Variants in SEC16A observed in about 807,000 individuals in gnomAD.
SEC16A encodes protein transport protein Sec16A.
In SEC16A, 110 loss-of-function variants were observed where a neutral mutation model predicts 221.9. That is an observed-to-expected ratio of 0.50 (90% CI 0.42 to 0.58). The LOEUF (loss-of-function observed/expected upper bound fraction) is 0.58. SEC16A is among the 20% of genes least tolerant of loss of function. The pLI is 0.00. For missense variants in SEC16A, 3,165 were observed against 3,097.8 expected (o/e 1.02, Z -0.52); for synonymous variants, 1,393 against 1,257.7 (o/e 1.11, Z -2.28).
At chr9:136,441,885 T>C (rs1274447083) in intron 31 of SEC16A, 62 bp from the exon 32 acceptor site, 9 of 1,442,346 alleles carry the variant, frequency 6.2e-6, no homozygotes, top group Non-Finnish European at 8.7e-6. Context: ...AGTGCTCGGC[T>C]GCAGCGTGGC....
chr9:136,444,225 C>T (rs1430499893), intron 30 of SEC16A: 2 of 207,410 alleles, frequency 9.6e-6, no homozygotes, highest in Non-Finnish European at 2.0e-5. Context: ...CCAGCCATGA[C>T]ACGAGGCCCA....
Position 136,463,448 on chromosome 9 carries a change from T to C in SEC16A, c.4647+15A>G. On this transcript the variant is annotated intron_variant, in intron 11 of 31. Coordinates refer to ENST00000684901, the MANE Select transcript of SEC16A (RefSeq NM_014866.2). ...CCAGCAAGAAGAAACACTCTAGAAG[T>C]AGAAAGAAACATACCCCATTTTGTC... The C allele has an allele frequency of 1.2e-6, 2 of 1,610,590 alleles. No homozygotes were observed. Among genetic ancestry groups the C allele is most frequent in the Non-Finnish European group, 8.5e-7 (1 of 1,177,900 alleles).
intron 14 of SEC16A, 37 bp downstream of exon 14, chr9:136,460,005 G>C: frequency 6.4e-7 from 1 of 1,561,328 alleles, no homozygotes; most frequent in South Asian, 1.2e-5. Flanking sequence ...CACACAGGCA[G>C]TGGAGCCTGT....
Position 136,477,086 on chromosome 9 carries a change from C to T in SEC16A, c.530G>A (p.Gly177Glu), listed in dbSNP as rs1420177426. The change falls in exon 3 of 32, where the codon GGG (glycine) becomes GAG (glutamate). Residue 177 changes from glycine to glutamate, a missense_variant. By Grantham distance (98) the Gly-to-Glu change is moderately conservative. Around this residue, in one of 3 missense-constraint regions of SEC16A, gnomAD observed 2,030 missense variants for 1,923.1 expected, o/e 1.06. Coordinates refer to ENST00000684901, the MANE Select transcript of SEC16A (RefSeq NM_014866.2). ...GGGTCGGTCGAGCCCAGGCATGTTC[C>T]CATGAGGGTGGCCCCCATGAGACGT... ...PETSHGGHPH[G>E]NMPGLDRPLS... 1 of 1,613,846 alleles carries T rather than the reference C, an allele frequency of 6.2e-7. No homozygotes were observed. Among genetic ancestry groups the T allele is most frequent in the South Asian group, 1.1e-5 (1 of 91,084 alleles).
chr9:136,442,809 T>C (rs1302766109), intron 31 of SEC16A, among the ~76,000 whole-genome samples: 1 of 152,184 alleles, frequency 6.6e-6, no homozygotes, highest in Non-Finnish European at 1.5e-5. Flanking sequence ...GGCCCAAGAA[T>C]TCTACCAGCC....
chr9:136,451,125 G>A (rs149386791), intron 23 of SEC16A, 131 bp downstream of exon 23: 65 of 927,208 alleles, frequency 7.0e-5, no homozygotes, highest in East Asian at 5.8e-4. Flanking sequence ...CGTGTGCACT[G>A]TAGACACTCG....
chr9:136,474,074 G>A lies in SEC16A; in HGVS notation c.3542C>T (p.Pro1181Leu). ...CTGGTAATAGAGGGAGGCTGCGCCA[G>A]GCTCCGGTGGGTACGGCAAAGAGTA... ...PQYSLPYPPE[P>L]GAASLYYQDV... Residue 1181 changes from proline (P) to leucine (L), a missense_variant, in exon 3 of 32, where the codon CCT (proline) becomes CTT (leucine). By Grantham distance (98) the Pro-to-Leu change is moderately conservative. Coordinates refer to ENST00000684901, the MANE Select transcript of SEC16A (RefSeq NM_014866.2). 1 of 1,606,198 alleles carries A rather than the reference G, an allele frequency of 6.2e-7. No homozygotes were observed. The highest frequency in any genetic ancestry group is 2.2e-5 in the East Asian group (1 of 44,734).
chr9:136,484,584 C>G, upstream of SEC16A: 1 of 1,342,902 alleles, frequency 7.4e-7, no homozygotes, highest in Non-Finnish European at 9.9e-7. Flanking sequence ...GCTGAGCTCC[C>G]AGCAGCGGCT....
Position 136,455,585 on chromosome 9 carries a change from G to A in SEC16A, c.5857+16C>T, listed in dbSNP as rs749030908. 14 of 1,538,102 alleles carry A rather than the reference G, an allele frequency of 9.1e-6. No individual in the cohort carries two copies. Among genetic ancestry groups the A allele is most frequent in the East Asian group, 2.4e-5 (1 of 41,212 alleles). ...AGGGGCTTGTCTGAGGGCAGCAGCCGCGCACCTGGGCTCACCTGAGGGCAG... is the reference window on the plus strand; with the variant it reads ...AGGGGCTTGTCTGAGGGCAGCAGCCACGCACCTGGGCTCACCTGAGGGCAG... On this transcript the variant is annotated intron_variant, in intron 20 of 31. Coordinates refer to ENST00000684901, the MANE Select transcript of SEC16A (RefSeq NM_014866.2).
chr9:136,481,129 C>CTTTTTTTTTTT (rs1000992506), intron 1 of SEC16A, among the ~76,000 whole-genome samples: 1 of 87,988 alleles, frequency 1.1e-5, no homozygotes, highest in Non-Finnish European at 2.1e-5. Context: ...GAATTTTATT[C>CTTTTTTTTTTT]TTTTTTTTTT....
At chr9:136,446,515 T>TA (rs913338453) in intron 28 of SEC16A, among the ~76,000 whole-genome samples, 29 of 152,180 alleles carry the variant, frequency 1.9e-4, no homozygotes, top group Non-Finnish European at 3.4e-4. Context: ...CTCTGTAACT[T>TA]AGAGTAATTA....
intron 23 of SEC16A, 119 bp from the exon 24 acceptor site, chr9:136,448,280 C>G: frequency 1.3e-6 from 1 of 792,370 alleles, no homozygotes; most frequent in South Asian, 1.4e-5. Context: ...GCCAGATCCA[C>G]AGAGACACCA....
chr9:136,482,864 C>T (rs1842586186), intron 1 of SEC16A, 74 bp downstream of exon 1: 1 of 598,900 alleles, frequency 1.7e-6, no homozygotes, highest in Non-Finnish European at 2.1e-6. Context: ...CCGACCTCCA[C>T]GGCCTGGCTC....
chr9:136,465,883 A>G, intron 8 of SEC16A, 79 bp downstream of exon 8: 1 of 1,407,000 alleles, frequency 7.1e-7, no homozygotes, highest in East Asian at 2.3e-5. Flanking sequence ...CCCAGCCCTG[A>G]CTCCCGTGTT....
At chr9:136,462,659 A>C (rs1333944957) in intron 12 of SEC16A, among the ~76,000 whole-genome samples, 1 of 152,240 alleles carries the variant, frequency 6.6e-6, no homozygotes, top group Admixed American at 6.5e-5. Context: ...TTTAATCTGC[A>C]GGTCTCCAAC....
At chr9:136,460,530 T>C (rs1006786682) in intron 13 of SEC16A, among the ~76,000 whole-genome samples, 3 of 151,986 alleles carry the variant, frequency 2.0e-5, no homozygotes, top group African/African-American at 2.4e-5. Context: ...ATGTAATGAT[T>C]AGACTTATAT....
At chr9:136,484,668 G>T, upstream of SEC16A, 1 of 1,366,240 alleles carries the variant, frequency 7.3e-7, no homozygotes, top group Non-Finnish European at 9.8e-7. Context: ...GGTGATATCC[G>T]TGCCACGCCA....
At chr9:136,480,740 A>G in intron 1 of SEC16A, among the ~76,000 whole-genome samples, 1 of 152,106 alleles carries the variant, frequency 6.6e-6, no homozygotes, top group Middle Eastern at 3.2e-3. Context: ...AATACAAAAA[A>G]TTAGCCGGGC....
chr9:136,471,372 GT>G (rs1840847566), intron 4 of SEC16A, among the ~76,000 whole-genome samples: 1 of 152,150 alleles, frequency 6.6e-6, no homozygotes, highest in Non-Finnish European at 1.5e-5. Context: ...TCCTCGGGAG[GT>G]TGAAGTGGGA....
Sources: allele counts gnomAD v4.1 joint callset (sites outside exome capture counted in the v4.1 genomes callset), GRCh38; gene constraint gnomAD v4.1.1; regional missense constraint gnomAD v4.1.1; transcripts MANE v1.5; gene names NCBI Gene and HGNC (gene_info 2026-07-23, HGNC 2026-07-21).